The following EEFSEC variants were observed in gnomAD, a reference collection of about 807,000 sequenced individuals.
EEFSEC encodes selenocysteine-specific elongation factor.
EEFSEC carries 43 observed loss-of-function variants against 42.1 expected under a neutral mutation model. The ratio of observed to expected loss-of-function variants is 1.02; its 90% CI spans 0.80 to 1.32. The LOEUF (loss-of-function observed/expected upper bound fraction) is 1.32, where lower values mean the gene tolerates loss of function less well. Ranked by LOEUF, EEFSEC falls within the 40% of genes most tolerant of loss-of-function variation. The pLI, the probability that EEFSEC is intolerant of heterozygous loss-of-function variation, is 0.00. For synonymous variants in EEFSEC, 354 were observed against 339.1 expected (o/e 1.04, Z -0.48); for missense variants, 745 against 803.6 (o/e 0.93, Z 0.88).
intron 4 of EEFSEC, among the ~76,000 whole-genome samples, chr3:128,274,919 AG>A (rs1199643740): frequency 6.6e-6 from 1 of 152,320 alleles, no homozygotes; most frequent in East Asian, 1.9e-4. Context: ...GTTTACCTTC[AG>A]TGGTCAGTTA....
chr3:128,399,103 TAAAATA>T (rs1559958970), intron 6 of EEFSEC, among the ~76,000 whole-genome samples: 3 of 120,206 alleles, frequency 2.5e-5, no homozygotes, highest in African/African-American at 1.2e-4. Flanking sequence ...AATAAATAAA[TAAAATA>T]AAAAAAAACC....
chr3:128,362,354 T>G, intron 6 of EEFSEC: 1 of 462,392 alleles, frequency 2.2e-6, no homozygotes, highest in Non-Finnish European at 4.5e-6. Context: ...TGAATAGACT[T>G]GTTCCTAATG....
In EEFSEC at chr3:128,337,785, C is replaced by T. The variant is rs2067206678; in HGVS notation, c.787-3448C>T. Among the ~76,000 whole-genome samples the T allele has an allele frequency of 2.0e-5, 3 of 152,180 alleles. No homozygotes were observed. The South Asian group carries it at 6.2e-4, about 32-fold the overall frequency. On this transcript the variant is annotated intron_variant, in intron 4 of 6. Coordinates refer to ENST00000254730, the MANE Select transcript of EEFSEC (RefSeq NM_021937.5). ...GATAGGCCAAAATTAAGAAATCTAG[C>T]AGTGCCAAATGTTGGAGCAGACGTG...
chr3:128,198,817 T>C (rs916449551), intron 1 of EEFSEC, among the ~76,000 whole-genome samples: 3 of 152,076 alleles, frequency 2.0e-5, no homozygotes, highest in Admixed American at 2.0e-4. Context: ...GTTTTTTTTT[T>C]CTTAAAGACT....
intron 1 of EEFSEC, among the ~76,000 whole-genome samples, chr3:128,231,439 T>C (rs1347777845): frequency 6.6e-6 from 1 of 152,214 alleles, no homozygotes; most frequent in Non-Finnish European, 1.5e-5. Flanking sequence ...GTCTCATGGA[T>C]CAGGTACCTT....
the EEFSEC span, among the ~76,000 whole-genome samples, chr3:128,416,196 C>T: frequency 5.8e-4 from 88 of 152,302 alleles, no homozygotes; most frequent in African/African-American, 1.8e-3. Flanking sequence ...GGAGAAGCAC[C>T]CACATCTTGG....
At chr3:128,175,578 G>A (rs2065340271) in intron 1 of EEFSEC, among the ~76,000 whole-genome samples, 1 of 152,210 alleles carries the variant, frequency 6.6e-6, no homozygotes, top group South Asian at 2.1e-4. Context: ...TTCTCTAGGG[G>A]AGGCTGATAA....
intron 4 of EEFSEC, among the ~76,000 whole-genome samples, chr3:128,265,165 G>C (rs1485904523): frequency 1.3e-5 from 2 of 152,192 alleles, no homozygotes; most frequent in Non-Finnish European, 2.9e-5. Context: ...CTGTACGTCA[G>C]GGTGGCAAGT....
At chr3:128,367,943 C>T (rs1418523470) in intron 6 of EEFSEC, 1 of 756,022 alleles carries the variant, frequency 1.3e-6, no homozygotes, top group Non-Finnish European at 1.6e-6. Flanking sequence ...TTCTTCCTCC[C>T]ACCACCCACT....
Position 128,225,716 on chromosome 3 carries a change from G to A in EEFSEC, c.317-21120G>A, listed in dbSNP as rs1294156462. ...GTCCCCTGGCCCCAAGACCTCTTCT[G>A]CATCCCCTTCCTCTCTCCTCTGGTC... On this transcript the variant is annotated intron_variant, in intron 1 of 6. Transcript: ENST00000254730. 7.9e-5 allele frequency among the ~76,000 whole-genome samples: 12 copies of A among 152,308 alleles called. 1 individual carries two copies. The East Asian group carries it at 2.3e-3, about 29-fold the overall frequency.
chr3:128,262,645 G>T (rs2066310604), intron 3 of EEFSEC, among the ~76,000 whole-genome samples: 1 of 152,238 alleles, frequency 6.6e-6, no homozygotes, highest in African/African-American at 2.4e-5. Context: ...AGGCAGGGGT[G>T]AAAGACATGA....
chr3:128,283,308 G>A (rs758825633), intron 4 of EEFSEC, among the ~76,000 whole-genome samples: 17 of 152,168 alleles, frequency 1.1e-4, no homozygotes, highest in Non-Finnish European at 2.2e-4. Context: ...GGCTATGTTC[G>A]TTCGTTTGAT....
At chr3:128,259,292 A>G (rs1232890530) in intron 2 of EEFSEC, among the ~76,000 whole-genome samples, 1 of 152,260 alleles carries the variant, frequency 6.6e-6, no homozygotes, top group Non-Finnish European at 1.5e-5. Flanking sequence ...TAGAAGTGCT[A>G]CAGAAATGTC....
intron 2 of EEFSEC, among the ~76,000 whole-genome samples, chr3:128,251,735 G>A (rs144432432): frequency 3.3e-5 from 5 of 151,938 alleles, no homozygotes; most frequent in African/African-American, 1.2e-4. Flanking sequence ...ATAAGTCTTT[G>A]GCATTTGTTG....
chr3:128,229,499 C>A (rs1454815246), intron 1 of EEFSEC, among the ~76,000 whole-genome samples: 1 of 152,312 alleles, frequency 6.6e-6, no homozygotes. Context: ...GCTGTCAAAT[C>A]TGCCCTACCC....
At chr3:128,239,342 T>C (rs1243354612) in intron 1 of EEFSEC, among the ~76,000 whole-genome samples, 1 of 152,244 alleles carries the variant, frequency 6.6e-6, no homozygotes, top group Non-Finnish European at 1.5e-5. Flanking sequence ...GGCATAGTGA[T>C]ACTTGCAGCA....
At chr3:128,321,772 C>T (rs2108039301) in intron 4 of EEFSEC, among the ~76,000 whole-genome samples, 2 of 152,304 alleles carry the variant, frequency 1.3e-5, no homozygotes, top group South Asian at 2.1e-4. Context: ...CCCATCCTTG[C>T]CCCGATGGAA....
intron 4 of EEFSEC, among the ~76,000 whole-genome samples, chr3:128,318,480 T>C (rs2066972418): frequency 6.6e-6 from 1 of 152,140 alleles, no homozygotes; most frequent in African/African-American, 2.4e-5. Context: ...CACATGATGC[T>C]CTTCTCCCTG....
chr3:128,265,914 A>G (rs570734859), intron 4 of EEFSEC, among the ~76,000 whole-genome samples: 11 of 152,228 alleles, frequency 7.2e-5, no homozygotes, highest in Non-Finnish European at 1.5e-4. Context: ...ACACCAACTA[A>G]TGCACCTAGT....
Sources: allele counts gnomAD v4.1 joint callset (sites outside exome capture counted in the v4.1 genomes callset), GRCh38; gene constraint gnomAD v4.1.1; transcripts MANE v1.5; gene names NCBI Gene and HGNC (gene_info 2026-07-23, HGNC 2026-07-21).